FUT9: variants seen among roughly 807,000 people sequenced by gnomAD.
The protein encoded by FUT9 is 4-galactosyl-N-acetylglucosaminide 3-alpha-L-fucosyltransferase 9.
Under a neutral mutation model 29.7 loss-of-function variants are expected in FUT9, and 15 were observed. That is an observed-to-expected ratio of 0.51 (90% CI 0.34 to 0.78). The LOEUF (loss-of-function observed/expected upper bound fraction) is 0.78. Ranked by LOEUF, FUT9 falls within the 30% of genes least tolerant of loss-of-function variation. FUT9 has a pLI of 0.01. For synonymous variants in FUT9, 169 were observed against 153.7 expected, an observed-to-expected ratio of 1.10 and a Z score of -0.74; for missense variants, 319 against 425.4, an observed-to-expected ratio of 0.75 and a Z score of 2.20.
intron 1 of FUT9, among the ~76,000 whole-genome samples, chr6:96,080,066 A>C (rs1367771300): frequency 3.9e-5 from 6 of 152,046 alleles, no homozygotes; most frequent in Non-Finnish European, 5.9e-5. Context: ...ATACAAATTC[A>C]TATATATTTG....
intron 1 of FUT9, among the ~76,000 whole-genome samples, chr6:96,097,077 G>A (rs1271292321): frequency 5.9e-5 from 9 of 152,038 alleles, no homozygotes; most frequent in Non-Finnish European, 1.2e-4. Flanking sequence ...TTTACCCAAG[G>A]GATCCAAAGT....
In FUT9 at chr6:96,203,296, G is replaced by A; in HGVS notation, c.141G>A (p.Val47=). The A allele has an allele frequency of 6.2e-7, 1 of 1,613,860 alleles. No individual in the cohort carries two copies. Among genetic ancestry groups the A allele is most frequent in the Non-Finnish European group, 8.5e-7 (1 of 1,179,922 alleles). ...GTCCAATGGAATCAGCCAGCTCTGT[G>A]CTGAAAATGAAAAACTTCTTTTCCA... ...IFSPMESASS[V]LKMKNFFSTK... is the part of the protein sequence containing the mutation. Residue 47 remains valine, a synonymous_variant, in exon 3 of 3, where the codon GTG becomes GTA. Coordinates refer to ENST00000302103, the MANE Select transcript of FUT9 (RefSeq NM_006581.4).
At chr6:96,082,660 G>T (rs1195813331) in intron 1 of FUT9, among the ~76,000 whole-genome samples, 1 of 151,670 alleles carries the variant, frequency 6.6e-6, no homozygotes, top group Non-Finnish European at 1.5e-5. Flanking sequence ...TCTTCTATAT[G>T]CATTTTAAAA....
chr6:96,018,802 A>C (rs1370990698), intron 1 of FUT9, among the ~76,000 whole-genome samples: 1 of 152,040 alleles, frequency 6.6e-6, no homozygotes, highest in Non-Finnish European at 1.5e-5. Context: ...TGGTTAAGGA[A>C]GAGAAAGCTG....
intron 1 of FUT9, among the ~76,000 whole-genome samples, chr6:96,072,125 T>A (rs1036868917): frequency 2.6e-5 from 4 of 152,172 alleles, no homozygotes; most frequent in African/African-American, 9.7e-5. Context: ...TATTATAGAC[T>A]CCATTTCTTA....
chr6:96,038,826 G>C (rs539264064), intron 1 of FUT9, among the ~76,000 whole-genome samples: 1 of 152,152 alleles, frequency 6.6e-6, no homozygotes, highest in Admixed American at 6.6e-5. Flanking sequence ...TGGTGATACT[G>C]ACCTGAATGA....
At chr6:96,100,405 A>C (rs554036495) in intron 1 of FUT9, among the ~76,000 whole-genome samples, 1 of 152,296 alleles carries the variant, frequency 6.6e-6, no homozygotes, top group African/African-American at 2.4e-5. Context: ...AGTACAAGGT[A>C]AAGTAAAGGA....
chr6:96,146,954 C>T (rs1243234747), intron 2 of FUT9, among the ~76,000 whole-genome samples: 1 of 152,064 alleles, frequency 6.6e-6, no homozygotes, highest in Non-Finnish European at 1.5e-5. Flanking sequence ...TTTATTATAT[C>T]ATAATGAAAT....
At chr6:96,052,106 C>A (rs1770681547) in intron 1 of FUT9, among the ~76,000 whole-genome samples, 2 of 152,136 alleles carry the variant, frequency 1.3e-5, no homozygotes, top group Admixed American at 1.3e-4. Flanking sequence ...GCAAGCACAT[C>A]CTTCTTCACA....
At position 96,179,960 on chromosome 6, in the gene FUT9, T is replaced by C. The variant is rs139264912; in HGVS notation, c.-8-23188T>C. 3.4e-3 allele frequency among the ~76,000 whole-genome samples: 518 copies of C among 152,214 alleles called. 19 individuals carry two copies. The highest frequency in any genetic ancestry group is 0.03 in the Admixed American group (464 of 15,268). ...CCTTTTGCATTGTGGCCAATGACAA[T>C]TAGTGACACATTCATGCTGTAAAAT... On this transcript the variant is annotated intron_variant, in intron 2 of 2. Transcript: ENST00000302103.
At chr6:96,161,429 T>C (rs1038258037) in intron 2 of FUT9, among the ~76,000 whole-genome samples, 1 of 152,196 alleles carries the variant, frequency 6.6e-6, no homozygotes, top group African/African-American at 2.4e-5. Context: ...AAATATTTGT[T>C]GTTTATGAGC....
intron 1 of FUT9, among the ~76,000 whole-genome samples, chr6:96,051,889 C>T (rs1311507640): frequency 6.6e-6 from 1 of 151,912 alleles, no homozygotes; most frequent in African/African-American, 2.4e-5. Context: ...GCATCCAGAC[C>T]CACTTGATGT....
chr6:96,160,622 T>TA (rs1450449150), intron 2 of FUT9, among the ~76,000 whole-genome samples: 4 of 152,120 alleles, frequency 2.6e-5, no homozygotes, highest in African/African-American at 9.6e-5. Flanking sequence ...TTGTTCCAAA[T>TA]AAGTCAAAAA....
rs186745099 is a variant in FUT9 at position 96,071,677 on chromosome 6, C to T, written c.-97-42362C>T. Among the ~76,000 whole-genome samples the T allele has an allele frequency of 1.7e-3, 261 of 152,248 alleles. 1 individual carries two copies. The highest frequency in any genetic ancestry group is 5.9e-3 in the African/African-American group (244 of 41,550). On this transcript the variant is annotated intron_variant, in intron 1 of 2. Transcript: ENST00000302103. ...TACATCAACAAAGGAGCAAGACTCA[C>T]GGCATTTTTAAAAATTGTCACTAAG...
At chr6:96,152,005 T>C (rs35470734) in intron 2 of FUT9, among the ~76,000 whole-genome samples, 1,846 of 152,272 alleles carry the variant, frequency 0.012, 19 homozygotes, top group Non-Finnish European at 0.018. Context: ...TATTCACAGG[T>C]CCACCTGATG....
intron 1 of FUT9, among the ~76,000 whole-genome samples, chr6:96,068,962 C>G (rs925021359): frequency 6.6e-6 from 1 of 152,020 alleles, no homozygotes; most frequent in African/African-American, 2.4e-5. Flanking sequence ...CAGATAATAA[C>G]CAATTAAAAA....
chr6:96,079,652 A>T (rs1240931745), intron 1 of FUT9, among the ~76,000 whole-genome samples: 1 of 152,176 alleles, frequency 6.6e-6, no homozygotes. Flanking sequence ...GTTTCTGAGG[A>T]CATTTAGGAT....
chr6:96,130,836 T>C (rs776781067), intron 2 of FUT9, among the ~76,000 whole-genome samples: 2 of 152,178 alleles, frequency 1.3e-5, no homozygotes, highest in Non-Finnish European at 2.9e-5. Flanking sequence ...GCTTTGCTTT[T>C]CTCTTTACTG....
intron 1 of FUT9, among the ~76,000 whole-genome samples, chr6:96,046,512 T>C (rs1046979729): frequency 2.0e-5 from 3 of 152,188 alleles, no homozygotes; most frequent in Non-Finnish European, 2.9e-5. Context: ...CCTTCCTTTC[T>C]AAGTTTCTAC....
Sources: gnomAD v4.1 joint callset for allele counts (sites outside exome capture counted in the v4.1 genomes callset) on GRCh38, gnomAD v4.1.1 for gene constraint, MANE v1.5 for transcripts, NCBI Gene and HGNC (gene_info 2026-07-23, HGNC 2026-07-21) for gene names.